Variants in KCNQ5 observed in about 807,000 individuals in gnomAD.
The protein encoded by KCNQ5 is potassium voltage-gated channel subfamily KQT member 5.
A neutral mutation model predicts 98.2 loss-of-function variants in KCNQ5; 30 were observed. The observed-to-expected ratio is 0.31, with a 90% confidence interval of 0.23 to 0.41. The LOEUF is 0.41. KCNQ5 is among the 10% of genes least tolerant of loss of function. KCNQ5 has a pLI of 1.00. For missense variants in KCNQ5, 835 were observed against 1,182.5 expected (o/e 0.71, Z 4.31); for synonymous variants, 458 against 449.4 (o/e 1.02, Z -0.24).
chr6:72,688,031 G>T (rs1369904338), intron 1 of KCNQ5, among the ~76,000 whole-genome samples: 3 of 151,970 alleles, frequency 2.0e-5, no homozygotes, highest in Non-Finnish European at 1.5e-5. Flanking sequence ...TAGAGACGGG[G>T]TTTCACCATA....
chr6:73,154,754 G>A lies in KCNQ5; in HGVS notation c.1469-14992G>A, dbSNP rs546000865. Among the ~76,000 whole-genome samples the A allele has an allele frequency of 7.2e-5, 11 of 152,082 alleles. No individual in the cohort carries two copies. The East Asian group carries it at 1.2e-3, about 16-fold the overall frequency. On this transcript the variant is annotated intron_variant, in intron 10 of 13. Coordinates refer to ENST00000370398, the MANE Select transcript of KCNQ5 (RefSeq NM_019842.4). The stretch of plus-strand genomic sequence containing the variant: ...CATTCTTTTACTTTAAACTTCTTTT[G>A]CCTCTTAAATATTTTCATGGGCTAA...
At chr6:73,124,346 A>C (rs1358301699) in intron 8 of KCNQ5, 140 bp from the exon 9 acceptor site, 1 of 734,626 alleles carries the variant, frequency 1.4e-6, no homozygotes, top group African/African-American at 1.8e-5. Flanking sequence ...TATTATAAAG[A>C]ACACTGCTTT....
chr6:73,064,014 C>G (rs1328837305), intron 3 of KCNQ5, among the ~76,000 whole-genome samples: 1 of 152,050 alleles, frequency 6.6e-6, no homozygotes, highest in Non-Finnish European at 1.5e-5. Flanking sequence ...GCCAGGTGAA[C>G]CAGGTAATTC....
At chr6:72,883,080 A>C (rs1198622002) in intron 1 of KCNQ5, among the ~76,000 whole-genome samples, 1 of 152,166 alleles carries the variant, frequency 6.6e-6, no homozygotes, top group Non-Finnish European at 1.5e-5. Flanking sequence ...TGAGATTTCC[A>C]ATAGTTGTGA....
intron 1 of KCNQ5, among the ~76,000 whole-genome samples, chr6:72,726,302 C>T (rs963693837): frequency 1.3e-5 from 2 of 151,576 alleles, no homozygotes; most frequent in South Asian, 4.2e-4. Context: ...CCTCCACCTC[C>T]CGGGTTCAAG....
rs989468294 is a variant in KCNQ5, at chr6:72,936,619, G to A, written c.399-67289G>A. 5.9e-5 allele frequency among the ~76,000 whole-genome samples: 9 copies of A among 152,190 alleles called. No individual in the cohort carries two copies. The South Asian group carries it at 1.7e-3, about 28-fold the overall frequency. ...CATGCAAAGTTTTAAATATATAAATGTATCATTTTTCCAATCTCTTACAAC... is the reference window on the plus strand; with the variant it reads ...CATGCAAAGTTTTAAATATATAAATATATCATTTTTCCAATCTCTTACAAC... On this transcript the variant is annotated intron_variant, in intron 1 of 13. Coordinates refer to ENST00000370398, the MANE Select transcript of KCNQ5 (RefSeq NM_019842.4).
intron 1 of KCNQ5, among the ~76,000 whole-genome samples, chr6:72,998,453 G>A (rs1769405233): frequency 6.6e-6 from 1 of 152,012 alleles, no homozygotes; most frequent in African/African-American, 2.4e-5. Context: ...AAACATTTAA[G>A]GGCCAGGCAC....
Position 72,819,026 on chromosome 6 carries a change from C to T in KCNQ5, c.399-184882C>T, listed in dbSNP as rs934367935. ...GTAGAAAATTCTTACTACTATTGAT[C>T]TTGTTATTTCATGATTTGAAAATCT... On this transcript the variant is annotated intron_variant, in intron 1 of 13. Coordinates refer to ENST00000370398, the MANE Select transcript of KCNQ5 (RefSeq NM_019842.4). Among the ~76,000 whole-genome samples the T allele has an allele frequency of 5.1e-4, 78 of 151,880 alleles. 1 individual carries two copies. The highest frequency in any genetic ancestry group is 5.8e-4 in the East Asian group (3 of 5,198).
intron 1 of KCNQ5, among the ~76,000 whole-genome samples, chr6:72,762,494 G>A (rs1352505663): frequency 6.6e-6 from 1 of 152,060 alleles, no homozygotes; most frequent in Non-Finnish European, 1.5e-5. Flanking sequence ...AATTATATGA[G>A]GTGGATCGTG....
At chr6:72,737,308 A>G (rs1770900540) in intron 1 of KCNQ5, among the ~76,000 whole-genome samples, 1 of 152,204 alleles carries the variant, frequency 6.6e-6, no homozygotes, top group Non-Finnish European at 1.5e-5. Context: ...CATCATATAT[A>G]TTATTTAATG....
chr6:72,787,963 G>T (rs771263674), intron 1 of KCNQ5, among the ~76,000 whole-genome samples: 2 of 152,128 alleles, frequency 1.3e-5, no homozygotes, highest in African/African-American at 2.4e-5. Context: ...CTGTTTTGTT[G>T]TTTTCCAAAA....
chr6:72,983,627 T>C (rs1768584848), intron 1 of KCNQ5, among the ~76,000 whole-genome samples: 1 of 152,224 alleles, frequency 6.6e-6, no homozygotes, highest in African/African-American at 2.4e-5. Flanking sequence ...CATCCTCCTT[T>C]AGCTCGGAGA....
chr6:72,638,883 C>T (rs770126399), intron 1 of KCNQ5, among the ~76,000 whole-genome samples: 26 of 152,098 alleles, frequency 1.7e-4, no homozygotes, highest in Non-Finnish European at 3.4e-4. Context: ...TGTGCAGAAA[C>T]GGAGAATAGG....
chr6:72,996,162 T>C (rs981886927), intron 1 of KCNQ5, among the ~76,000 whole-genome samples: 2 of 152,172 alleles, frequency 1.3e-5, no homozygotes, highest in African/African-American at 4.8e-5. Flanking sequence ...AGTAAGATAA[T>C]GATAGAACAG....
intron 1 of KCNQ5, among the ~76,000 whole-genome samples, chr6:72,738,621 A>G (rs968856317): frequency 6.6e-6 from 1 of 151,830 alleles, no homozygotes; most frequent in South Asian, 2.1e-4. Flanking sequence ...GGTAGTATAG[A>G]AAAAAAAATT....
intron 1 of KCNQ5, among the ~76,000 whole-genome samples, chr6:72,812,368 C>T (rs1010527856): frequency 6.6e-6 from 1 of 152,200 alleles, no homozygotes; most frequent in East Asian, 1.9e-4. Flanking sequence ...TCTGACACTA[C>T]AATGCGTGGG....
intron 10 of KCNQ5, chr6:73,136,272 TTAAA>T (rs1175276614): frequency 1.3e-5 from 2 of 152,226 alleles, no homozygotes; most frequent in Admixed American, 6.5e-5. Context: ...CTGAGCATAT[TTAAA>T]TAAAAAATTC....
intron 1 of KCNQ5, among the ~76,000 whole-genome samples, chr6:73,003,081 C>G (rs1374651328): frequency 6.6e-6 from 1 of 152,020 alleles, no homozygotes; most frequent in Non-Finnish European, 1.5e-5. Flanking sequence ...TTAACACTGC[C>G]TTTCAAAATA....
At chr6:73,132,967 A>T (rs1776294650) in intron 9 of KCNQ5, among the ~76,000 whole-genome samples, 1 of 152,250 alleles carries the variant, frequency 6.6e-6, no homozygotes, top group South Asian at 2.1e-4. Flanking sequence ...ATGCATGCCA[A>T]ATGTAGGTAT....
Sources: gnomAD v4.1 joint callset for allele counts (sites outside exome capture counted in the v4.1 genomes callset) on GRCh38, gnomAD v4.1.1 for gene constraint, MANE v1.5 for transcripts, NCBI Gene and HGNC (gene_info 2026-07-23, HGNC 2026-07-21) for gene names.